The following SNTG1 variants were observed in gnomAD, a reference collection of about 807,000 sequenced individuals.
SNTG1 encodes the protein gamma-1-syntrophin.
A neutral mutation model predicts 74.7 loss-of-function variants in SNTG1; 39 were observed. That is an observed-to-expected ratio of 0.52 (90% confidence interval 0.40 to 0.68). The LOEUF is 0.68. Ranked by LOEUF, SNTG1 falls within the 30% of genes least tolerant of loss-of-function variation. The pLI is 0.00. For missense variants in SNTG1, 685 were observed against 609.5 expected, an observed-to-expected ratio of 1.12 and a Z score of -1.30; for synonymous variants, 254 against 217.1, an observed-to-expected ratio of 1.17 and a Z score of -1.49.
At chr8:50,108,047 G>A (rs1045276968) in intron 1 of SNTG1, among the ~76,000 whole-genome samples, 2 of 152,126 alleles carry the variant, frequency 1.3e-5, no homozygotes, top group African/African-American at 4.8e-5. Flanking sequence ...TTCTACCTGT[G>A]TAGGTCTTTT....
chr8:49,915,146 T>C (rs1427609032), intron 1 of SNTG1: 4 of 152,146 alleles, frequency 2.6e-5, no homozygotes, highest in Admixed American at 2.6e-4. Context: ...TGCAGCTGAA[T>C]TTTTCTTCCT....
In SNTG1 at chr8:50,340,109, GGGT is replaced by G. The variant is rs148792773; in HGVS notation, c.-27-54100_-27-54098del. 3.7e-3 allele frequency among the ~76,000 whole-genome samples: 562 copies of G among 152,074 alleles called. 7 individuals are homozygous for G. Among genetic ancestry groups the G allele is most frequent in the Middle Eastern group, 0.014 (4 of 292 alleles). On this transcript the variant is annotated intron_variant, in intron 2 of 18. Coordinates refer to ENST00000642720, the MANE Select transcript of SNTG1 (RefSeq NM_018967.5). Reference sequence around the variant, plus strand: ...AAATTGAGAGATATTCCATATTTATGGGTGGGAAGAAATATTGTTAAGATGTTG... The same window carrying G: ...AAATTGAGAGATATTCCATATTTATGGGGAAGAAATATTGTTAAGATGTTG...
chr8:50,627,852 A>T (rs1389731570), intron 13 of SNTG1, among the ~76,000 whole-genome samples: 4 of 152,198 alleles, frequency 2.6e-5, no homozygotes, highest in African/African-American at 7.2e-5. Flanking sequence ...ACGTTCAGCT[A>T]TCTGGAAGCC....
intron 2 of SNTG1, among the ~76,000 whole-genome samples, chr8:50,182,040 A>G (rs2083224007): frequency 6.6e-6 from 1 of 152,224 alleles, no homozygotes; most frequent in Non-Finnish European, 1.5e-5. Context: ...TTGTTACAGT[A>G]TATAATGTAT....
rs74862695 is a variant in SNTG1 at position 50,540,158 on chromosome 8, T to C, written c.680+3350T>C. On this transcript the variant is annotated intron_variant, in intron 11 of 18. Coordinates refer to ENST00000642720, the MANE Select transcript of SNTG1 (RefSeq NM_018967.5). ...TGCATCAGAAAGCAGCTGATAAGAATGAGGCCACTCTGTCTTGGCCAGAAT... is the reference window on the plus strand; with the variant it reads ...TGCATCAGAAAGCAGCTGATAAGAACGAGGCCACTCTGTCTTGGCCAGAAT... Among the ~76,000 whole-genome samples the C allele has an allele frequency of 2.8e-3, 433 of 152,308 alleles. 3 individuals carry two copies. Among genetic ancestry groups the C allele is most frequent in the African/African-American group, 9.9e-3 (410 of 41,584 alleles).
chr8:50,603,431 G>A (rs561406362), intron 13 of SNTG1, among the ~76,000 whole-genome samples: 15 of 152,156 alleles, frequency 9.9e-5, no homozygotes, highest in South Asian at 2.1e-4. Flanking sequence ...GTCTTAAATC[G>A]CTTTGAGTTT....
At chr8:49,945,305 G>T (rs1448940586) in intron 1 of SNTG1, among the ~76,000 whole-genome samples, 2 of 152,092 alleles carry the variant, frequency 1.3e-5, no homozygotes, top group Non-Finnish European at 2.9e-5. Context: ...TGCCCTCCTT[G>T]CAATGTGGAA....
rs117276614 is a variant in SNTG1, at chr8:50,401,313, C to T, written c.28-897C>T. Among the ~76,000 whole-genome samples the T allele has an allele frequency of 7.8e-3, 1,183 of 152,160 alleles. 7 individuals carry two copies. The highest frequency in any genetic ancestry group is 0.013 in the Non-Finnish European group (902 of 68,020). ...GTGACAAGTGGGAATGTTAAGTGCA[C>T]TTTCTAGGGAGAATATTTATATTAA... is the stretch of plus-strand genomic sequence containing the variant. On this transcript the variant is annotated intron_variant, in intron 3 of 18. Transcript: ENST00000642720.
intron 2 of SNTG1, among the ~76,000 whole-genome samples, chr8:50,300,206 A>AGAGT (rs2089586328): frequency 6.6e-6 from 1 of 152,168 alleles, no homozygotes; most frequent in African/African-American, 2.4e-5. Flanking sequence ...TTCGACCAAA[A>AGAGT]GAGTATTACG....
rs181775157 is a variant in SNTG1 at position 50,679,960 on chromosome 8, G to A, written c.1038+21297G>A. ...GGTAATATGCAGAAACCTGTATTTG[G>A]GCAAGGGGACCTTACCTGGCCTCCC... On this transcript the variant is annotated intron_variant, in intron 15 of 18. Transcript: ENST00000642720. Among the ~76,000 whole-genome samples, 4 of 152,178 alleles carry A rather than the reference G, an allele frequency of 2.6e-5. No homozygotes were observed. The East Asian group carries it at 5.8e-4, about 22-fold the overall frequency.
chr8:50,101,699 C>G (rs112137877), intron 1 of SNTG1, among the ~76,000 whole-genome samples: 1 of 151,560 alleles, frequency 6.6e-6, no homozygotes, highest in South Asian at 2.1e-4. Flanking sequence ...CTAATGCTAT[C>G]CCTCCCCCCT....
chr8:49,961,021 T>C (rs1434776482), intron 1 of SNTG1, among the ~76,000 whole-genome samples: 1 of 152,178 alleles, frequency 6.6e-6, no homozygotes, highest in Non-Finnish European at 1.5e-5. Flanking sequence ...AACTTTCTAT[T>C]TGATAGGACT....
chr8:50,302,409 T>C (rs2089691053), intron 2 of SNTG1, among the ~76,000 whole-genome samples: 1 of 152,160 alleles, frequency 6.6e-6, no homozygotes, highest in Non-Finnish European at 1.5e-5. Context: ...GACAATGCTC[T>C]GGTTAAAGGT....
chr8:50,290,111 C>T (rs1022076020), intron 2 of SNTG1, among the ~76,000 whole-genome samples: 1 of 152,150 alleles, frequency 6.6e-6, no homozygotes, highest in African/African-American at 2.4e-5. Flanking sequence ...CTTCCAGGAA[C>T]CATAGCTCTC....
At chr8:50,373,657 A>T (rs1172479280) in intron 2 of SNTG1, among the ~76,000 whole-genome samples, 1 of 152,214 alleles carries the variant, frequency 6.6e-6, no homozygotes, top group African/African-American at 2.4e-5. Context: ...ATCTCACATG[A>T]CAGCTTATAC....
At chr8:50,167,039 G>A (rs1407474554) in intron 1 of SNTG1, among the ~76,000 whole-genome samples, 1 of 138,124 alleles carries the variant, frequency 7.2e-6, no homozygotes, top group Admixed American at 7.5e-5. Context: ...ACCAAACACT[G>A]CATATTCTCA....
chr8:50,712,169 C>T (rs140980786), intron 17 of SNTG1, among the ~76,000 whole-genome samples: 7 of 152,226 alleles, frequency 4.6e-5, no homozygotes, highest in African/African-American at 7.2e-5. Context: ...TCTTCACAGA[C>T]GTTTCCTTGA....
chr8:50,542,367 G>T (rs556893730), intron 11 of SNTG1, among the ~76,000 whole-genome samples: 1 of 151,760 alleles, frequency 6.6e-6, no homozygotes, highest in Admixed American at 6.6e-5. Context: ...ATGTTGGCTA[G>T]CCTGGTCTGG....
At chr8:50,365,077 A>C (rs551480878) in intron 2 of SNTG1, among the ~76,000 whole-genome samples, 1 of 152,214 alleles carries the variant, frequency 6.6e-6, no homozygotes, top group South Asian at 2.1e-4. Context: ...CTACAAATCT[A>C]CTTGATTTCT....
Sources: gnomAD v4.1 joint callset for allele counts (sites outside exome capture counted in the v4.1 genomes callset) on GRCh38, gnomAD v4.1.1 for gene constraint, MANE v1.5 for transcripts, NCBI Gene and HGNC (gene_info 2026-07-23, HGNC 2026-07-21) for gene names.